The following UGT1A6 variants were observed in gnomAD, a reference collection of about 807,000 sequenced individuals.
The protein encoded by UGT1A6 is UDP glucuronosyltransferase family 1 member A6, also known as UDP-glucuronosyltransferase 1A6.
In UGT1A6, 32 loss-of-function variants were observed where a neutral mutation model predicts 44.4. The ratio of observed to expected loss-of-function variants is 0.72; its 90% CI spans 0.54 to 0.97. The LOEUF (loss-of-function observed/expected upper bound fraction) is 0.97, where lower values mean the gene tolerates loss of function less well. Among genes scored for constraint, UGT1A6 ranks in the 50% least tolerant of loss-of-function variants. The probability of loss-of-function intolerance (pLI) is 0.00; values close to 1 mark genes in which losing one functional copy is unlikely to be tolerated. For missense variants in UGT1A6, 685 were observed against 661.9 expected (o/e 1.03, Z -0.38); for synonymous variants, 238 against 248.5 (o/e 0.96, Z 0.40).
At chr2:233,708,901 G>C (rs945780611) in intron 1 of UGT1A6, among the ~76,000 whole-genome samples, 1 of 152,086 alleles carries the variant, frequency 6.6e-6, no homozygotes, top group Admixed American at 6.6e-5. Context: ...GGGGCTATCT[G>C]GTTAGGTATT....
At chr2:233,729,598 G>C (rs775320084) in intron 1 of UGT1A6, 2 of 1,613,984 alleles carry the variant, frequency 1.2e-6, no homozygotes, top group South Asian at 2.2e-5. Flanking sequence ...TAACCTCTGC[G>C]CGGCAGTGCT....
At chr2:233,727,115 G>A (rs1162541205) in intron 1 of UGT1A6, among the ~76,000 whole-genome samples, 1 of 152,220 alleles carries the variant, frequency 6.6e-6, no homozygotes, top group Non-Finnish European at 1.5e-5. Context: ...TTAGGTCTGT[G>A]AGATTGGCAG....
At position 233,705,067 on chromosome 2, in the gene UGT1A6, C is replaced by T. The variant is rs141940353; in HGVS notation, c.861+11202C>T. ...AGGAGAATTGCTTGAACCCGGGAGGCGGAGGTTGCAGAGAGCCAAGATCGT... is the reference window on the plus strand; with the variant it reads ...AGGAGAATTGCTTGAACCCGGGAGGTGGAGGTTGCAGAGAGCCAAGATCGT... On this transcript the variant is annotated intron_variant, in intron 1 of 4. Transcript: ENST00000305139. 1.6e-3 allele frequency among the ~76,000 whole-genome samples: 242 copies of T among 150,442 alleles called. 6 individuals are homozygous for T. The East Asian group carries it at 0.044, about 28-fold the overall frequency.
In UGT1A6 at chr2:233,724,671, T is replaced by C. The variant is rs376440949; in HGVS notation, c.861+30806T>C. On this transcript the variant is annotated intron_variant, in intron 1 of 4. Coordinates refer to ENST00000305139, the MANE Select transcript of UGT1A6 (RefSeq NM_001072.4). ...CTGGGAAGAGGCGCTCCTCACTTCC[T>C]AGATGGGATGGCGGCCGGGTGAAGA... 3.9e-4 allele frequency among the ~76,000 whole-genome samples: 56 copies of C among 142,288 alleles called. 1 individual carries two copies. Among genetic ancestry groups the C allele is most frequent in the Non-Finnish European group, 7.5e-4 (49 of 65,750 alleles). The allele number at this position is 142,288 out of a possible 152,430, so 93.3% of individuals were successfully genotyped here.
At chr2:233,721,551 A>AGT (rs1303257041) in intron 1 of UGT1A6, 1 of 163,364 alleles carries the variant, frequency 6.1e-6, no homozygotes, top group African/African-American at 2.4e-5. Context: ...TTTTTTCTTC[A>AGT]GTTTCTTCTG....
At chr2:233,718,999 T>G in intron 1 of UGT1A6, 2 of 1,614,228 alleles carry the variant, frequency 1.2e-6, no homozygotes, top group Non-Finnish European at 1.7e-6. Context: ...CAGGCGGTGG[T>G]CCTCACCCCA....
chr2:233,693,273 G>A lies in UGT1A6; in HGVS notation c.269G>A (p.Arg90His), dbSNP rs147761911. ...TATGACCAAGAAGAGCTGAAGAACC[G>A]TTACCAATCATTTGGAAACAATCAC... Reference protein sequence around the residue: ...VPYDQEELKNRYQSFGNNHFA... With the variant: ...VPYDQEELKNHYQSFGNNHFA... Residue 90 changes from arginine (R) to histidine (H), a missense_variant, in exon 1 of 5, where the codon CGT (arginine) becomes CAT (histidine). Transcript: ENST00000305139. 123 of 1,614,074 alleles carry A rather than the reference G, an allele frequency of 7.6e-5. No individual in the cohort carries two copies. Among genetic ancestry groups the A allele is most frequent in the Middle Eastern group, 3.3e-4 (2 of 6,060 alleles).
intron 1 of UGT1A6, among the ~76,000 whole-genome samples, chr2:233,763,075 G>A (rs563223055): frequency 3.9e-5 from 6 of 152,246 alleles, no homozygotes; most frequent in African/African-American, 1.2e-4. Flanking sequence ...CCTTCTTTGC[G>A]TGAGGATGTT....
chr2:233,761,002 C>G, intron 1 of UGT1A6: 3 of 1,614,176 alleles, frequency 1.9e-6, no homozygotes, highest in Non-Finnish European at 2.5e-6. Flanking sequence ...AGAATTCCTT[C>G]AGAGAGAGGT....
At chr2:233,728,412 A>G (rs1046404926) in intron 1 of UGT1A6, among the ~76,000 whole-genome samples, 2 of 152,174 alleles carry the variant, frequency 1.3e-5, no homozygotes, top group Non-Finnish European at 2.9e-5. Flanking sequence ...TGCTTTAGAT[A>G]GCAGCACCTC....
At chr2:233,718,914 T>C (rs373069908) in intron 1 of UGT1A6, 68 of 1,613,948 alleles carry the variant, frequency 4.2e-5, no homozygotes, top group Admixed American at 6.7e-5. Context: ...TGGAAAGGTG[T>C]TGGTGGTGCC....
In UGT1A6 at chr2:233,772,200, TAAAG is replaced by T. The variant is rs1700482093; in HGVS notation, c.1302-60_1302-57del. On this transcript the variant is annotated intron_variant, in intron 4 of 4. Coordinates refer to ENST00000305139, the MANE Select transcript of UGT1A6 (RefSeq NM_001072.4). ...TAGTCTTCTTAAGCAGCCATGAGCATAAAGAGAGGATTGTTCATACCACAGGTGT... is the reference window on the plus strand; with the variant it reads ...TAGTCTTCTTAAGCAGCCATGAGCATAGAGGATTGTTCATACCACAGGTGT... The T allele has an allele frequency of 6.8e-6, 11 of 1,606,074 alleles. No individual in the cohort carries two copies. In the South Asian group the frequency reaches 1.0e-4, roughly 15 times the overall value.
At chr2:233,734,101 T>C (rs2078479429) in intron 1 of UGT1A6, among the ~76,000 whole-genome samples, 1 of 151,280 alleles carries the variant, frequency 6.6e-6, no homozygotes. Context: ...AAACTTAAAG[T>C]ATAATAATAA....
At chr2:233,747,383 G>A (rs979148855) in intron 1 of UGT1A6, 12 of 1,605,438 alleles carry the variant, frequency 7.5e-6, no homozygotes, top group Admixed American at 3.3e-5. Flanking sequence ...GAGGCCACCA[G>A]GCGGTGGTCC....
At chr2:233,696,840 G>A (rs17864692) in intron 1 of UGT1A6, among the ~76,000 whole-genome samples, 7,328 of 152,214 alleles carry the variant, frequency 0.048, 193 homozygotes, top group Non-Finnish European at 0.059. Flanking sequence ...ATAAAGGGAC[G>A]TTGAATTTTG....
At chr2:233,766,610 TC>T (rs1292898350) in intron 1 of UGT1A6, among the ~76,000 whole-genome samples, 1 of 152,172 alleles carries the variant, frequency 6.6e-6, no homozygotes, top group Non-Finnish European at 1.5e-5. Context: ...CACACCCTCT[TC>T]TACCCAGCAC....
intron 1 of UGT1A6, chr2:233,718,789 T>C (rs745402322): frequency 5.6e-6 from 9 of 1,612,926 alleles, no homozygotes; most frequent in Non-Finnish European, 7.6e-6. Flanking sequence ...CAGCGTGGGG[T>C]GGACAGTCAG....
At chr2:233,742,666 A>G (rs1212391572) in intron 1 of UGT1A6, 1 of 152,150 alleles carries the variant, frequency 6.6e-6, no homozygotes, top group African/African-American at 2.4e-5. Context: ...TGTAACCCCA[A>G]GGTTTGTCCT....
intron 1 of UGT1A6, chr2:233,729,272 G>C: frequency 6.2e-7 from 1 of 1,614,200 alleles, no homozygotes; most frequent in South Asian, 1.1e-5. Flanking sequence ...GAGGTCTTGC[G>C]GGAGCTCCAT....
Sources: gnomAD v4.1 joint callset for allele counts (sites outside exome capture counted in the v4.1 genomes callset) on GRCh38, gnomAD v4.1.1 for gene constraint, MANE v1.5 for transcripts, NCBI Gene and HGNC (gene_info 2026-07-23, HGNC 2026-07-21) for gene names.